The following ANO3 variants were observed in gnomAD, a reference collection of about 807,000 sequenced individuals.
The protein encoded by ANO3 is anoctamin 3.
Under a neutral mutation model 144.8 loss-of-function variants are expected in ANO3, and 99 were observed. That is an observed-to-expected ratio of 0.68 (90% CI 0.58 to 0.81). ANO3 has a LOEUF of 0.81. Ranked by LOEUF, ANO3 falls within the 30% of genes least tolerant of loss-of-function variation. The pLI is 0.00. For missense variants in ANO3, 905 were observed against 1,202.2 expected (o/e 0.75, Z 3.66); for synonymous variants, 414 against 392.6 (o/e 1.05, Z -0.64).
At chr11:26,388,651 A>T (rs1018681073) in intron 1 of ANO3, among the ~76,000 whole-genome samples, 1 of 152,136 alleles carries the variant, frequency 6.6e-6, no homozygotes. Context: ...AGGCAGAGAG[A>T]AGTAAATGAA....
intron 1 of ANO3, among the ~76,000 whole-genome samples, chr11:26,326,163 T>G (rs1854877934): frequency 6.6e-6 from 1 of 152,180 alleles, no homozygotes; most frequent in Non-Finnish European, 1.5e-5. Context: ...CTTTTTACAT[T>G]TATTTTTATA....
intron 1 of ANO3, among the ~76,000 whole-genome samples, chr11:26,235,169 A>T (rs560877267): frequency 1.4e-4 from 21 of 152,308 alleles, no homozygotes; most frequent in South Asian, 8.3e-4. Context: ...CCTTTTCTGG[A>T]AATGCCCTCA....
intron 20 of ANO3, among the ~76,000 whole-genome samples, chr11:26,638,853 T>G (rs1853052673): frequency 6.6e-6 from 1 of 152,214 alleles, no homozygotes; most frequent in Non-Finnish European, 1.5e-5. Flanking sequence ...TTCCATAGCA[T>G]TCATTAAATG....
chr11:26,566,014 A>G (rs1029098694), intron 14 of ANO3: 1 of 1,077,150 alleles, frequency 9.3e-7, no homozygotes, highest in South Asian at 2.0e-5. Context: ...GTAATATCAT[A>G]TTTTTATTCC....
At chr11:26,214,284 A>T (rs7939749) in intron 1 of ANO3, among the ~76,000 whole-genome samples, 6,562 of 151,688 alleles carry the variant, frequency 0.043, 201 homozygotes, top group Middle Eastern at 0.065. Context: ...TACTTTTGGG[A>T]GTTAAGACTT....
At chr11:26,615,831 G>A (rs534987368) in intron 17 of ANO3, among the ~76,000 whole-genome samples, 3 of 151,794 alleles carry the variant, frequency 2.0e-5, no homozygotes, top group East Asian at 1.9e-4. Flanking sequence ...TTCTTTGATC[G>A]TCCTAAATTC....
intron 2 of ANO3, among the ~76,000 whole-genome samples, chr11:26,442,367 C>G (rs1435337314): frequency 6.6e-6 from 1 of 152,208 alleles, no homozygotes; most frequent in African/African-American, 2.4e-5. Context: ...ACATGAATCA[C>G]TGGTACATTT....
At chr11:26,594,864 T>C (rs1851561739) in intron 14 of ANO3, among the ~76,000 whole-genome samples, 1 of 152,282 alleles carries the variant, frequency 6.6e-6, no homozygotes, top group Non-Finnish European at 1.5e-5. Flanking sequence ...AGCTGTAAGA[T>C]GATGTTATAA....
At chr11:26,502,282 A>G (rs1459643931) in intron 4 of ANO3, among the ~76,000 whole-genome samples, 1 of 152,162 alleles carries the variant, frequency 6.6e-6, no homozygotes, top group African/African-American at 2.4e-5. Context: ...GAAATGAATC[A>G]GTGTTGCGAC....
Position 26,657,366 on chromosome 11 carries a change from A to C in ANO3, c.2763+885A>C, listed in dbSNP as rs533637643. 5.3e-5 allele frequency among the ~76,000 whole-genome samples: 8 copies of C among 152,262 alleles called. No homozygotes were observed. The South Asian group carries it at 1.7e-3, about 32-fold the overall frequency. ...ATTTAACGACTTTGCACCTATATAC[A>C]TGTCTCCTGATGAAGTGAGAGTGTC... On this transcript the variant is annotated intron_variant, in intron 26 of 26. Transcript: ENST00000256737.
At position 26,332,289 on chromosome 11, in the gene ANO3, C is replaced by A; in HGVS notation, c.14C>A (p.Ser5Ter). The A allele has an allele frequency of 6.2e-7, 1 of 1,614,034 alleles. No individual in the cohort carries two copies. The highest frequency in any genetic ancestry group is 8.5e-7 in the Non-Finnish European group (1 of 1,180,010). The stretch of plus-strand genomic sequence containing the variant: ...CGCAGAGTGAAAATGGTCCACCATT[C>A]AGGCTCCATTCAGTCCTTTAAACAG... MVHH[S>*]GSIQSFKQQK... is the part of the protein sequence containing the mutation. Residue 5 changes from serine (S) to a stop codon, truncating the protein, a stop_gained, in exon 1 of 27, where the codon TCA (serine) becomes TAA (stop). Coordinates refer to ENST00000256737, the MANE Select transcript of ANO3 (RefSeq NM_031418.4). LOFTEE classifies it high-confidence loss of function.
intron 1 of ANO3, among the ~76,000 whole-genome samples, chr11:26,436,815 G>A (rs568857156): frequency 2.0e-5 from 3 of 152,268 alleles, no homozygotes; most frequent in Non-Finnish European, 2.9e-5. Flanking sequence ...GTCTCAGGGA[G>A]CTTTGGAACA....
At chr11:26,310,827 C>T (rs926191793) in intron 1 of ANO3, among the ~76,000 whole-genome samples, 3 of 152,208 alleles carry the variant, frequency 2.0e-5, no homozygotes, top group African/African-American at 7.2e-5. Context: ...CTGCTTCCTT[C>T]TGCCAAAGTC....
chr11:26,626,748 C>G (rs1434067423), intron 18 of ANO3, among the ~76,000 whole-genome samples: 4 of 151,960 alleles, frequency 2.6e-5, no homozygotes, highest in African/African-American at 9.7e-5. Context: ...TTCTGGAACT[C>G]TTTACATTCG....
chr11:26,348,414 T>C (rs1855550499), intron 1 of ANO3, among the ~76,000 whole-genome samples: 1 of 152,114 alleles, frequency 6.6e-6, no homozygotes, highest in Non-Finnish European at 1.5e-5. Context: ...GCTTATGGAG[T>C]TCTGGCCTGG....
intron 1 of ANO3, among the ~76,000 whole-genome samples, chr11:26,299,182 C>A (rs960489129): frequency 6.6e-6 from 1 of 152,082 alleles, no homozygotes; most frequent in Non-Finnish European, 1.5e-5. Context: ...ACAAAGGAGG[C>A]TGAAAAGGAG....
Position 26,656,360 on chromosome 11 carries a change from T to A in ANO3, c.2658-16T>A. On this transcript the variant is annotated splice_polypyrimidine_tract_variant and intron_variant, in intron 25 of 26. Transcript: ENST00000256737. ...TGATCTCTATTTGTCATTCTCTTTG[T>A]TTTTGTGGATTTCAGGTACAGAGAC... 1 of 1,560,428 alleles carries A rather than the reference T, an allele frequency of 6.4e-7. No homozygotes were observed. The highest frequency in any genetic ancestry group is 1.3e-5 in the African/African-American group (1 of 74,158).
intron 1 of ANO3, among the ~76,000 whole-genome samples, chr11:26,238,081 T>C (rs1178069452): frequency 2.0e-5 from 3 of 152,170 alleles, no homozygotes. Flanking sequence ...TTTATCTTCA[T>C]TCCTACTATT....
chr11:26,214,986 T>A (rs1404335830), intron 1 of ANO3, among the ~76,000 whole-genome samples: 2 of 151,996 alleles, frequency 1.3e-5, no homozygotes, highest in Non-Finnish European at 2.9e-5. Context: ...AGACCAGGAT[T>A]ATGTATTTTT....
Sources: allele counts gnomAD v4.1 joint callset (sites outside exome capture counted in the v4.1 genomes callset), GRCh38; gene constraint gnomAD v4.1.1; transcripts MANE v1.5; gene names NCBI Gene and HGNC (gene_info 2026-07-23, HGNC 2026-07-21).